DPP4: variants seen among roughly 807,000 people sequenced by gnomAD.
The protein encoded by DPP4 is ADCP-2.
Under a neutral mutation model 122.4 loss-of-function variants are expected in DPP4, and 93 were observed. The observed-to-expected ratio is 0.76, with a 90% CI of 0.64 to 0.90. The LOEUF (loss-of-function observed/expected upper bound fraction) is 0.90. DPP4 is among the 40% of genes least tolerant of loss of function. The probability of loss-of-function intolerance (pLI) is 0.00; values close to 1 mark genes in which losing one functional copy is unlikely to be tolerated. For missense variants in DPP4, 914 were observed against 907.3 expected, an observed-to-expected ratio of 1.01 and a Z score of -0.09; for synonymous variants, 321 against 302.9, an observed-to-expected ratio of 1.06 and a Z score of -0.62.
chr2:162,038,951 A>G lies in DPP4; in HGVS notation c.490T>C (p.Leu164=), dbSNP rs768146489. ...GACAACTGGAGAGACTCACTAACCA[A>G]TTTATGACCCACTGGTGACCATGTG... ...WVTWSPVGHK[L]AYVWNNDIYV... Residue 164 remains leucine (L), a splice_region_variant and synonymous_variant, in exon 7 of 26, where the codon TTG becomes CTG. Transcript: ENST00000360534. The G allele has an allele frequency of 1.2e-6, 2 of 1,613,346 alleles. No homozygotes were observed. The highest frequency in any genetic ancestry group is 1.7e-6 in the Non-Finnish European group (2 of 1,179,394).
At chr2:162,035,038 A>T (rs956372543) in intron 9 of DPP4, 126 bp downstream of exon 9, 2 of 898,280 alleles carry the variant, frequency 2.2e-6, no homozygotes, top group African/African-American at 3.4e-5. Flanking sequence ...TGTTGACTTC[A>T]GCAAGAGTAA....
intron 10 of DPP4, among the ~76,000 whole-genome samples, chr2:162,032,627 C>G (rs374986432): frequency 6.6e-6 from 1 of 151,626 alleles, no homozygotes; most frequent in Non-Finnish European, 1.5e-5. Context: ...TGCAGTGAGC[C>G]GAGATGGCAT....
Position 162,048,029 on chromosome 2 carries a change from G to A in DPP4, c.95-528C>T, listed in dbSNP as rs138160913. Among the ~76,000 whole-genome samples, 19 of 152,120 alleles carry A rather than the reference G, an allele frequency of 1.2e-4. No homozygotes were observed. The East Asian group carries it at 3.7e-3, about 29-fold the overall frequency. On this transcript the variant is annotated intron_variant, in intron 2 of 25. Transcript: ENST00000360534. ...CATTTTAAGTCAATAGTTATGTGTG[G>A]CCAGGTGTTCAACGACTACTGTAGT...
At chr2:162,059,938 G>C (rs1446235260) in intron 2 of DPP4, among the ~76,000 whole-genome samples, 2 of 152,222 alleles carry the variant, frequency 1.3e-5, no homozygotes, top group Admixed American at 6.5e-5. Context: ...TCTAGGCAAT[G>C]TAGACTTTCA....
intron 10 of DPP4, 104 bp from the exon 11 acceptor site, chr2:162,025,043 T>A: frequency 8.0e-7 from 1 of 1,253,458 alleles, no homozygotes; most frequent in Non-Finnish European, 1.1e-6. Flanking sequence ...AAATCAATCT[T>A]AATGGGAAGT....
chr2:162,073,588 G>A, intron 1 of DPP4, 102 bp from the exon 2 acceptor site: 1 of 1,186,420 alleles, frequency 8.4e-7, no homozygotes, highest in Non-Finnish European at 1.2e-6. Flanking sequence ...TTGCAGGTGG[G>A]AGTGCGTTAG....
Position 162,035,196 on chromosome 2 carries a change from A to T in DPP4, c.742T>A (p.Tyr248Asn), listed in dbSNP as rs1194951581. 6.2e-7 allele frequency: 1 copy of T among 1,612,362 alleles called. No individual in the cohort carries two copies. The highest frequency in any genetic ancestry group is 1.7e-5 in the Admixed American group (1 of 60,006). ...TATGGAACCCGTACAGTCTTTGGGT[A>T]CTGCAGTGACTCATCAGAGTAGAAG... The part of the protein sequence containing the change: ...YSFYSDESLQ[Y>N]PKTVRVPYPK... The change falls in exon 9 of 26, where the codon TAC becomes AAC. Residue 248 changes from tyrosine to asparagine, a missense_variant. Coordinates refer to ENST00000360534, the MANE Select transcript of DPP4 (RefSeq NM_001935.4).
Position 162,045,601 on chromosome 2 carries a change from T to C in DPP4, c.297A>G (p.Gly99=), listed in dbSNP as rs1188512255. The change falls in exon 5 of 26, where the codon GGA becomes GGG. Residue 99 remains glycine (G), a synonymous_variant. Transcript: ENST00000360534. ...ATATTGAATAATCATTGATAGAATG[T>C]CCAAACTCATCCTGTCAAACAAGAA... ...FLENSTFDEF[G]HSINDYSISP... The C allele has an allele frequency of 1.9e-6, 3 of 1,611,492 alleles. No individual in the cohort carries two copies. Among genetic ancestry groups the C allele is most frequent in the Non-Finnish European group, 2.5e-6 (3 of 1,177,932 alleles).
chr2:162,035,393 T>C, intron 8 of DPP4, 69 bp from the exon 9 acceptor site: 1 of 1,454,152 alleles, frequency 6.9e-7, no homozygotes, highest in Non-Finnish European at 9.5e-7. Context: ...TTCAAAATAT[T>C]GTTCTCATTA....
chr2:162,028,738 C>A (rs1389909506), intron 10 of DPP4, among the ~76,000 whole-genome samples: 1 of 152,230 alleles, frequency 6.6e-6, no homozygotes, highest in Non-Finnish European at 1.5e-5. Flanking sequence ...CATGTGGAGT[C>A]TACTATGTGC....
At chr2:162,018,466 T>C (rs1003350844) in intron 16 of DPP4, among the ~76,000 whole-genome samples, 90 of 152,218 alleles carry the variant, frequency 5.9e-4, no homozygotes, top group African/African-American at 2.0e-3. Context: ...ACAATATGTA[T>C]GTATTTAACG....
intron 5 of DPP4, among the ~76,000 whole-genome samples, chr2:162,042,298 C>T (rs529363131): frequency 3.9e-5 from 6 of 152,256 alleles, no homozygotes; most frequent in East Asian, 3.9e-4. Flanking sequence ...AACATAGAAT[C>T]GATGACACAA....
intron 23 of DPP4, among the ~76,000 whole-genome samples, chr2:162,005,180 G>A (rs1457189142): frequency 1.3e-5 from 2 of 152,168 alleles, no homozygotes; most frequent in Non-Finnish European, 2.9e-5. Context: ...CATCTGCAGA[G>A]CAACCTGCCC....
intron 23 of DPP4, among the ~76,000 whole-genome samples, chr2:161,996,967 G>A (rs76895518): frequency 0.017 from 2,616 of 152,240 alleles, 79 homozygotes; most frequent in African/African-American, 0.06. Context: ...CATAGCAAAA[G>A]CATTTTTAGG....
chr2:162,014,312 T>G, intron 19 of DPP4, 84 bp downstream of exon 19: 1 of 1,109,190 alleles, frequency 9.0e-7, no homozygotes, highest in East Asian at 2.5e-5. Flanking sequence ...AGGACGCATT[T>G]GGCTCCATTT....
chr2:161,995,143 T>C, intron 24 of DPP4, 109 bp from the exon 25 acceptor site: 1 of 1,365,642 alleles, frequency 7.3e-7, no homozygotes, highest in Non-Finnish European at 1.0e-6. Flanking sequence ...GTTCTAGGAC[T>C]CAGCATCCCA....
At chr2:162,025,834 C>T (rs542868232) in intron 10 of DPP4, among the ~76,000 whole-genome samples, 2 of 152,248 alleles carry the variant, frequency 1.3e-5, no homozygotes, top group East Asian at 1.9e-4. Context: ...GTGTTCATCT[C>T]CCTCTTCCCG....
intron 10 of DPP4, among the ~76,000 whole-genome samples, chr2:162,031,049 G>A (rs888252624): frequency 1.3e-5 from 2 of 152,234 alleles, no homozygotes; most frequent in Admixed American, 1.3e-4. Flanking sequence ...GAGACAGCAA[G>A]AGCAGAGCAC....
chr2:162,063,275 C>T (rs572371107), intron 2 of DPP4, among the ~76,000 whole-genome samples: 11 of 152,138 alleles, frequency 7.2e-5, no homozygotes, highest in South Asian at 4.2e-4. Context: ...GTATGAGATG[C>T]CAATATCACA....
Sources: gnomAD v4.1 joint callset for allele counts (sites outside exome capture counted in the v4.1 genomes callset) on GRCh38, gnomAD v4.1.1 for gene constraint, MANE v1.5 for transcripts, NCBI Gene and HGNC (gene_info 2026-07-23, HGNC 2026-07-21) for gene names.